Variants in FSTL4 observed in about 807,000 individuals in gnomAD.
FSTL4 encodes follistatin-related protein 4.
A neutral mutation model predicts 78.2 loss-of-function variants in FSTL4; 28 were observed. The observed-to-expected ratio is 0.36, with a 90% CI of 0.27 to 0.49. The LOEUF (loss-of-function observed/expected upper bound fraction) is 0.49. FSTL4 is among the 20% of genes least tolerant of loss of function. The pLI, the probability that FSTL4 is intolerant of heterozygous loss-of-function variation, is 0.98. For missense variants in FSTL4, 922 were observed against 1,084.9 expected (o/e 0.85, Z 2.11); for synonymous variants, 422 against 440.5 (o/e 0.96, Z 0.53).
intron 2 of FSTL4, among the ~76,000 whole-genome samples, chr5:133,569,870 T>C (rs1580795657): frequency 6.6e-6 from 1 of 152,292 alleles, no homozygotes; most frequent in East Asian, 1.9e-4. Context: ...TTTGTACTGA[T>C]ATTCATAAAT....
At chr5:133,602,221 T>C (rs191069441) in intron 2 of FSTL4, among the ~76,000 whole-genome samples, 1 of 152,290 alleles carries the variant, frequency 6.6e-6, no homozygotes, top group Non-Finnish European at 1.5e-5. Flanking sequence ...GCAACATTCC[T>C]GGACTTGGAA....
intron 3 of FSTL4, among the ~76,000 whole-genome samples, chr5:133,539,213 G>A (rs1759417937): frequency 6.6e-6 from 1 of 151,618 alleles, no homozygotes; most frequent in South Asian, 2.1e-4. Context: ...CGTGATGAGA[G>A]ATATTGCTGC....
intron 6 of FSTL4, among the ~76,000 whole-genome samples, chr5:133,266,148 C>A (rs1452215030): frequency 6.6e-6 from 1 of 152,172 alleles, no homozygotes; most frequent in African/African-American, 2.4e-5. Context: ...ACATCGTGAG[C>A]CCAGCCAGCG....
At chr5:133,722,407 T>G in the FSTL4 span, among the ~76,000 whole-genome samples, 1 of 152,304 alleles carries the variant, frequency 6.6e-6, no homozygotes, top group Non-Finnish European at 1.5e-5. Context: ...TTTTTTATTT[T>G]ATCAATTGAA....
At chr5:133,722,622 G>C in the FSTL4 span, among the ~76,000 whole-genome samples, 5 of 152,204 alleles carry the variant, frequency 3.3e-5, no homozygotes, top group South Asian at 8.3e-4. Context: ...TCAGTTAGCA[G>C]AGAATTATTG....
At chr5:133,734,856 T>C in the FSTL4 span, among the ~76,000 whole-genome samples, 1 of 152,202 alleles carries the variant, frequency 6.6e-6, no homozygotes, top group Non-Finnish European at 1.5e-5. Flanking sequence ...TGCCTTTCCA[T>C]GTCTGTCACC....
At chr5:133,775,859 A>C in the FSTL4 span, among the ~76,000 whole-genome samples, 1 of 152,212 alleles carries the variant, frequency 6.6e-6, no homozygotes. Flanking sequence ...GGGTGACTCT[A>C]AAAGACGATG....
At chr5:133,222,073 C>G (rs574989286) in intron 11 of FSTL4, among the ~76,000 whole-genome samples, 2 of 151,794 alleles carry the variant, frequency 1.3e-5, no homozygotes, top group East Asian at 3.9e-4. Flanking sequence ...TCCTTGGCAC[C>G]CAGAGGCACT....
intron 3 of FSTL4, among the ~76,000 whole-genome samples, chr5:133,456,974 C>A (rs1213965883): frequency 6.6e-6 from 1 of 152,168 alleles, no homozygotes; most frequent in East Asian, 1.9e-4. Flanking sequence ...AGTACAGGAA[C>A]TTGCTGAAAG....
chr5:133,489,045 C>T (rs1758201546), intron 3 of FSTL4, among the ~76,000 whole-genome samples: 2 of 144,348 alleles, frequency 1.4e-5, no homozygotes, highest in African/African-American at 5.0e-5. Context: ...ACAATCAATG[C>T]TATTAGATGG....
At chr5:133,372,269 G>GTATCTATCTATCTATCTATCTATCTATC (rs70974084) in intron 4 of FSTL4, among the ~76,000 whole-genome samples, 2 of 142,926 alleles carry the variant, frequency 1.4e-5, no homozygotes, top group African/African-American at 5.1e-5. Context: ...ATGTATGTAT[G>GTATCTATCTATCTATCTATCTATCTATC]TATCTATCTA....
At chr5:133,311,937 T>C (rs1156841753) in intron 6 of FSTL4, among the ~76,000 whole-genome samples, 3 of 152,226 alleles carry the variant, frequency 2.0e-5, no homozygotes, top group Admixed American at 2.0e-4. Context: ...TCCTCTCTGC[T>C]GACCCCTGCC....
intron 3 of FSTL4, among the ~76,000 whole-genome samples, chr5:133,517,383 C>T (rs1758875867): frequency 7.8e-6 from 1 of 128,338 alleles, no homozygotes; most frequent in Non-Finnish European, 1.6e-5. Context: ...AGATCATACC[C>T]ATGCATTCCA....
intron 3 of FSTL4, among the ~76,000 whole-genome samples, chr5:133,524,364 T>C (rs1156451150): frequency 6.6e-6 from 1 of 152,112 alleles, no homozygotes; most frequent in Non-Finnish European, 1.5e-5. Context: ...TCTGACATGA[T>C]AAAGGGAAAA....
intron 7 of FSTL4, 48 bp from the exon 8 acceptor site, chr5:133,233,585 G>T: frequency 1.2e-6 from 2 of 1,605,702 alleles, no homozygotes; most frequent in South Asian, 2.2e-5. Context: ...TATTGAACGG[G>T]CTGGAAACCA....
the FSTL4 span, among the ~76,000 whole-genome samples, chr5:133,824,944 C>T: frequency 6.6e-6 from 1 of 152,046 alleles, no homozygotes. Context: ...CAGAGGGTGG[C>T]TGTGTGTAAA....
chr5:133,793,287 T>C, the FSTL4 span, among the ~76,000 whole-genome samples: 1 of 152,214 alleles, frequency 6.6e-6, no homozygotes, highest in Non-Finnish European at 1.5e-5. Context: ...CTCATACAAC[T>C]GCTCTCAGTC....
chr5:133,294,138 T>C (rs1753331823), intron 6 of FSTL4, among the ~76,000 whole-genome samples: 1 of 152,170 alleles, frequency 6.6e-6, no homozygotes, highest in Admixed American at 6.5e-5. Context: ...TCCTCTCAGT[T>C]TCCATGGCGT....
rs190920178 is a variant in FSTL4 at position 133,218,620 on chromosome 5, G to T, written c.1459-1242C>A. On this transcript the variant is annotated intron_variant, in intron 12 of 15. Coordinates refer to ENST00000265342, the MANE Select transcript of FSTL4 (RefSeq NM_015082.2). ...GTGCTCAGCACTCCTCAATCACGCC[G>T]CTCTCCTGCACCAGGGCCTTTGCCT... 5.3e-4 allele frequency among the ~76,000 whole-genome samples: 81 copies of T among 152,216 alleles called. 1 individual carries two copies. Among genetic ancestry groups the T allele is most frequent in the African/African-American group, 1.7e-3 (71 of 41,546 alleles).
Sources: gnomAD v4.1 joint callset for allele counts (sites outside exome capture counted in the v4.1 genomes callset) on GRCh38, gnomAD v4.1.1 for gene constraint, MANE v1.5 for transcripts, NCBI Gene and HGNC (gene_info 2026-07-23, HGNC 2026-07-21) for gene names.